GRIK2: variants seen among roughly 807,000 people sequenced by gnomAD.
The protein encoded by GRIK2 is glutamate receptor ionotropic, kainate 2.
GRIK2 carries 32 observed loss-of-function variants against 100.3 expected under a neutral mutation model. The ratio of observed to expected loss-of-function variants is 0.32; its 90% confidence interval spans 0.24 to 0.43. GRIK2 has a LOEUF of 0.43. Ranked by LOEUF, GRIK2 falls within the 20% of genes least tolerant of loss-of-function variation. The pLI is 1.00. For synonymous variants in GRIK2, 417 were observed against 389.4 expected (o/e 1.07, Z -0.83); for missense variants, 843 against 1,114.9 (o/e 0.76, Z 3.47).
At chr6:101,784,618 T>C (rs368123009) in intron 7 of GRIK2, among the ~76,000 whole-genome samples, 11 of 152,278 alleles carry the variant, frequency 7.2e-5, no homozygotes, top group African/African-American at 2.6e-4. Flanking sequence ...GTAATCACCA[T>C]GTTTCAAGGG....
At chr6:101,978,314 A>G (rs1342753218) in intron 14 of GRIK2, among the ~76,000 whole-genome samples, 1 of 152,038 alleles carries the variant, frequency 6.6e-6, no homozygotes, top group Non-Finnish European at 1.5e-5. Flanking sequence ...ATGTAATTAT[A>G]AAGAGTTTTA....
chr6:101,776,508 T>A (rs9498696), intron 7 of GRIK2, among the ~76,000 whole-genome samples: 1 of 152,002 alleles, frequency 6.6e-6, no homozygotes. Flanking sequence ...AGCCACAGGA[T>A]GCCTTAAAAT....
chr6:101,875,927 A>G (rs1562457209), intron 11 of GRIK2, among the ~76,000 whole-genome samples: 2 of 151,452 alleles, frequency 1.3e-5, no homozygotes, highest in African/African-American at 4.9e-5. Flanking sequence ...CTTGCCATTT[A>G]TTATTTATTT....
intron 7 of GRIK2, among the ~76,000 whole-genome samples, chr6:101,728,505 G>T (rs1326206753): frequency 6.6e-6 from 1 of 152,002 alleles, no homozygotes; most frequent in African/African-American, 2.4e-5. Flanking sequence ...AATGAAATTA[G>T]TTATTTATTT....
intron 9 of GRIK2, 93 bp from the exon 10 acceptor site, chr6:101,818,277 A>C: frequency 1.4e-6 from 1 of 694,462 alleles, no homozygotes; most frequent in South Asian, 1.9e-5. Context: ...AGCAAAGGTG[A>C]ATAATAAGTG....
chr6:101,967,282 A>G (rs1172648042), intron 14 of GRIK2, among the ~76,000 whole-genome samples: 1 of 152,068 alleles, frequency 6.6e-6, no homozygotes, highest in African/African-American at 2.4e-5. Context: ...ATAAAGTCAT[A>G]TAACTGTTTT....
At chr6:101,577,506 A>G (rs1182301326) in intron 2 of GRIK2, among the ~76,000 whole-genome samples, 1 of 152,116 alleles carries the variant, frequency 6.6e-6, no homozygotes, top group Non-Finnish European at 1.5e-5. Flanking sequence ...TCAAATTAGA[A>G]CACCTATAAT....
At chr6:101,488,024 C>G (rs2128265134) in intron 2 of GRIK2, among the ~76,000 whole-genome samples, 1 of 146,150 alleles carries the variant, frequency 6.8e-6, no homozygotes, top group East Asian at 1.9e-4. Context: ...AGTTACAAGT[C>G]TTCATCTTTT....
chr6:101,938,030 C>T (rs1790720059), intron 14 of GRIK2, among the ~76,000 whole-genome samples: 2 of 152,090 alleles, frequency 1.3e-5, no homozygotes, highest in South Asian at 2.1e-4. Context: ...CATTTGTTTT[C>T]CTGTCTCTTT....
At chr6:101,467,903 G>C (rs1415787855) in intron 2 of GRIK2, among the ~76,000 whole-genome samples, 1 of 139,744 alleles carries the variant, frequency 7.2e-6, no homozygotes. Context: ...TTTTTTTTGA[G>C]GTTTCATTTT....
At chr6:102,058,322 CATA>C (rs1404590985) in intron 16 of GRIK2, among the ~76,000 whole-genome samples, 1 of 151,820 alleles carries the variant, frequency 6.6e-6, no homozygotes, top group East Asian at 1.9e-4. Flanking sequence ...TGCCTGGTGG[CATA>C]ATATCTATCT....
chr6:102,010,606 C>T (rs567358860), intron 14 of GRIK2, among the ~76,000 whole-genome samples: 5 of 151,990 alleles, frequency 3.3e-5, no homozygotes, highest in Admixed American at 2.6e-4. Context: ...AGGATGGTCC[C>T]GATCTCCTGA....
At chr6:101,789,948 AT>A (rs1378257499) in intron 7 of GRIK2, among the ~76,000 whole-genome samples, 1 of 152,030 alleles carries the variant, frequency 6.6e-6, no homozygotes, top group Non-Finnish European at 1.5e-5. Context: ...ATTCCTAAGT[AT>A]TTTATTCTCT....
At chr6:101,951,927 G>C (rs1791627592) in intron 14 of GRIK2, among the ~76,000 whole-genome samples, 1 of 152,088 alleles carries the variant, frequency 6.6e-6, no homozygotes, top group Non-Finnish European at 1.5e-5. Context: ...GCCTTTAAGA[G>C]TCCCACAATG....
intron 11 of GRIK2, among the ~76,000 whole-genome samples, chr6:101,868,480 G>A (rs1426723259): frequency 6.6e-6 from 1 of 151,374 alleles, no homozygotes; most frequent in Non-Finnish European, 1.5e-5. Flanking sequence ...TGTGGTATAT[G>A]GAACATCTGT....
intron 2 of GRIK2, among the ~76,000 whole-genome samples, chr6:101,526,037 C>A (rs182013751): frequency 6.6e-6 from 1 of 152,110 alleles, no homozygotes; most frequent in Non-Finnish European, 1.5e-5. Context: ...CCAGAAGATG[C>A]GACTGAAATG....
At chr6:101,606,610 T>A (rs575200699) in intron 2 of GRIK2, among the ~76,000 whole-genome samples, 4 of 152,140 alleles carry the variant, frequency 2.6e-5, no homozygotes, top group African/African-American at 9.6e-5. Context: ...AACCCCAGAC[T>A]CTGAGCCACC....
At chr6:101,865,396 T>C (rs1784986240) in intron 11 of GRIK2, among the ~76,000 whole-genome samples, 1 of 152,186 alleles carries the variant, frequency 6.6e-6, no homozygotes, top group South Asian at 2.1e-4. Flanking sequence ...TCTTTTATTA[T>C]ATGTTGGAAA....
chr6:101,878,794 C>T (rs563472933), intron 11 of GRIK2, among the ~76,000 whole-genome samples: 8 of 152,064 alleles, frequency 5.3e-5, no homozygotes, highest in African/African-American at 1.4e-4. Context: ...CTGCTCATTC[C>T]GTAGCTCTGC....
Sources: allele counts gnomAD v4.1 joint callset (sites outside exome capture counted in the v4.1 genomes callset), GRCh38; gene constraint gnomAD v4.1.1; transcripts MANE v1.5; gene names NCBI Gene and HGNC (gene_info 2026-07-23, HGNC 2026-07-21).